COL14A1: variants seen among roughly 807,000 people sequenced by gnomAD.
COL14A1 encodes the protein collagen alpha-1(XIV) chain.
A neutral mutation model predicts 230.3 loss-of-function variants in COL14A1; 136 were observed. That is an observed-to-expected ratio of 0.59 (90% CI 0.51 to 0.68). COL14A1 has a LOEUF of 0.68. Ranked by LOEUF, COL14A1 falls within the 30% of genes least tolerant of loss-of-function variation. COL14A1 has a pLI of 0.00. For missense variants in COL14A1, 1,976 were observed against 2,215.8 expected (o/e 0.89, Z 2.17); for synonymous variants, 792 against 784.1 (o/e 1.01, Z -0.17).
At chr8:120,167,353 GAA>G (rs1815935981) in intron 4 of COL14A1, among the ~76,000 whole-genome samples, 1 of 145,240 alleles carries the variant, frequency 6.9e-6, no homozygotes, top group Non-Finnish European at 1.5e-5. Flanking sequence ...TCCATGAAAT[GAA>G]TGTAGCAATT....
chr8:120,279,830 CTT>C, intron 28 of COL14A1, 103 bp from the exon 29 acceptor site: 1 of 1,255,446 alleles, frequency 8.0e-7, no homozygotes. Flanking sequence ...CCCCATGGGC[CTT>C]CCTAAATAAA....
Position 120,289,643 on chromosome 8 carries a change from G to A in COL14A1, c.4113G>A (p.Val1371=). Reference sequence around the variant, plus strand: ...TTGTCAGTGAGACTTTGGTCAAAGTGGTTATTGACTGCAAGCAAGTGGGTG... The same window carrying A: ...TTGTCAGTGAGACTTTGGTCAAAGTAGTTATTGACTGCAAGCAAGTGGGTG... The part of the protein sequence containing the change: ...HIVVSETLVK[V]VIDCKQVGEK... The change falls in exon 34 of 48, where the codon GTG becomes GTA. Residue 1371 remains valine, a synonymous_variant. Coordinates refer to ENST00000297848, the MANE Select transcript of COL14A1 (RefSeq NM_021110.4). 1 of 1,613,980 alleles carries A rather than the reference G, an allele frequency of 6.2e-7. No homozygotes were observed. The highest frequency in any genetic ancestry group is 8.5e-7 in the Non-Finnish European group (1 of 1,179,948).
At chr8:120,330,807 C>T (rs1821836179) in intron 40 of COL14A1, among the ~76,000 whole-genome samples, 1 of 152,050 alleles carries the variant, frequency 6.6e-6, no homozygotes, top group South Asian at 2.1e-4. Context: ...CTGGACAGAC[C>T]TAAAAGATGG....
chr8:120,157,730 A>G (rs925696434), intron 2 of COL14A1, among the ~76,000 whole-genome samples: 14 of 152,198 alleles, frequency 9.2e-5, no homozygotes, highest in African/African-American at 3.1e-4. Flanking sequence ...TTATGCCTGT[A>G]ATCCCAGCAC....
At chr8:120,190,708 GC>G (rs1373194110) in intron 5 of COL14A1, among the ~76,000 whole-genome samples, 2 of 152,104 alleles carry the variant, frequency 1.3e-5, no homozygotes, top group Non-Finnish European at 2.9e-5. Flanking sequence ...ATTGATTATT[GC>G]CACAATTTCA....
intron 40 of COL14A1, among the ~76,000 whole-genome samples, chr8:120,327,722 G>A (rs967361992): frequency 1.3e-5 from 2 of 151,772 alleles, no homozygotes; most frequent in Non-Finnish European, 2.9e-5. Context: ...GTGATAAGTA[G>A]AGCAGGAACC....
At chr8:120,293,969 A>G (rs1426308767) in intron 34 of COL14A1, among the ~76,000 whole-genome samples, 1 of 151,886 alleles carries the variant, frequency 6.6e-6, no homozygotes, top group Non-Finnish European at 1.5e-5. Context: ...AATAGTTGAC[A>G]AGTGGTAAAT....
intron 2 of COL14A1, among the ~76,000 whole-genome samples, chr8:120,154,691 G>A (rs1019453265): frequency 8.6e-5 from 13 of 151,978 alleles, no homozygotes; most frequent in East Asian, 1.9e-4. Context: ...CTTGATGTTC[G>A]TCTTTTTTAA....
chr8:120,156,985 T>G (rs1228657258), intron 2 of COL14A1, among the ~76,000 whole-genome samples: 1 of 152,200 alleles, frequency 6.6e-6, no homozygotes, highest in South Asian at 2.1e-4. Context: ...TAAAAAAGGC[T>G]AACTTTTCCA....
intron 2 of COL14A1, among the ~76,000 whole-genome samples, chr8:120,148,756 C>T (rs2130472004): frequency 6.6e-6 from 1 of 152,300 alleles, no homozygotes; most frequent in Non-Finnish European, 1.5e-5. Flanking sequence ...TCAAGCATTC[C>T]TAATGATTTC....
intron 1 of COL14A1, among the ~76,000 whole-genome samples, chr8:120,127,967 G>A (rs1814398112): frequency 6.6e-6 from 1 of 152,176 alleles, no homozygotes; most frequent in African/African-American, 2.4e-5. Context: ...TGGTAAACGG[G>A]GCACTAGTTG....
At chr8:120,285,774 G>T in intron 32 of COL14A1, 87 bp from the exon 33 acceptor site, 1 of 789,418 alleles carries the variant, frequency 1.3e-6, no homozygotes, top group Non-Finnish European at 2.1e-6. Flanking sequence ...AACAATCGAT[G>T]CATTGTTTTG....
At chr8:120,345,844 C>T (rs907672729) in intron 45 of COL14A1, among the ~76,000 whole-genome samples, 5 of 152,140 alleles carry the variant, frequency 3.3e-5, no homozygotes, top group African/African-American at 1.2e-4. Context: ...AAAGATAACC[C>T]CTCTAGATGG....
intron 34 of COL14A1, among the ~76,000 whole-genome samples, chr8:120,291,891 C>T (rs768041172): frequency 2.6e-5 from 4 of 152,114 alleles, no homozygotes; most frequent in East Asian, 3.9e-4. Context: ...AAATAGAAAC[C>T]GCGTCATTGT....
At chr8:120,333,913 T>A (rs1235848660) in intron 42 of COL14A1, among the ~76,000 whole-genome samples, 2 of 152,238 alleles carry the variant, frequency 1.3e-5, no homozygotes, top group Non-Finnish European at 2.9e-5. Context: ...ACCTATGTGA[T>A]TACATTCAGG....
intron 4 of COL14A1, among the ~76,000 whole-genome samples, chr8:120,165,454 A>G (rs1048036872): frequency 1.3e-5 from 2 of 152,208 alleles, no homozygotes; most frequent in Non-Finnish European, 2.9e-5. Flanking sequence ...AAGCAGCTCA[A>G]CCACTTCCAG....
intron 40 of COL14A1, among the ~76,000 whole-genome samples, chr8:120,320,431 C>A (rs1821398103): frequency 6.6e-6 from 1 of 152,022 alleles, no homozygotes; most frequent in Admixed American, 6.6e-5. Flanking sequence ...CAGAAGCATG[C>A]TTCTAGATTA....
chr8:120,166,984 A>G (rs1011576758), intron 4 of COL14A1, among the ~76,000 whole-genome samples: 4 of 150,590 alleles, frequency 2.7e-5, no homozygotes, highest in Non-Finnish European at 5.9e-5. Flanking sequence ...GAAGTCGGTG[A>G]ATGAGGTTTT....
intron 45 of COL14A1, among the ~76,000 whole-genome samples, chr8:120,358,902 CAG>C (rs1362354210): frequency 2.0e-5 from 3 of 152,194 alleles, no homozygotes; most frequent in African/African-American, 7.2e-5. Flanking sequence ...TGAAAACATG[CAG>C]AGAAAAGATA....
Sources: gnomAD v4.1 joint callset for allele counts (sites outside exome capture counted in the v4.1 genomes callset) on GRCh38, gnomAD v4.1.1 for gene constraint, MANE v1.5 for transcripts, NCBI Gene and HGNC (gene_info 2026-07-23, HGNC 2026-07-21) for gene names.